The following KSR2 variants were observed in gnomAD, a reference collection of about 807,000 sequenced individuals.
KSR2 encodes kinase suppressor of ras 2.
Under a neutral mutation model 107.8 loss-of-function variants are expected in KSR2, and 25 were observed. The ratio of observed to expected loss-of-function variants is 0.23; its 90% confidence interval spans 0.17 to 0.32. KSR2 has a LOEUF of 0.32. Among genes scored for constraint, KSR2 ranks in the 10% least tolerant of loss-of-function variants. The pLI is 1.00. For synonymous variants in KSR2, 480 were observed against 507.0 expected (o/e 0.95, Z 0.71); for missense variants, 887 against 1,268.9 (o/e 0.70, Z 4.57).
intron 1 of KSR2, among the ~76,000 whole-genome samples, chr12:117,936,007 A>G (rs1402466285): frequency 6.6e-6 from 1 of 151,550 alleles, no homozygotes; most frequent in African/African-American, 2.4e-5. Flanking sequence ...GTCACCTTCT[A>G]TCATCCTTGA....
intron 16 of KSR2, among the ~76,000 whole-genome samples, chr12:117,479,208 A>G (rs928130440): frequency 4.6e-5 from 7 of 152,214 alleles, no homozygotes; most frequent in African/African-American, 1.7e-4. Context: ...AGAACCCAAA[A>G]CAGGGACTGT....
chr12:117,593,070 C>A (rs1054051839), intron 5 of KSR2, among the ~76,000 whole-genome samples: 1 of 152,126 alleles, frequency 6.6e-6, no homozygotes, highest in African/African-American at 2.4e-5. Context: ...GGAGAGCAGC[C>A]CTGAGCATGT....
intron 4 of KSR2, among the ~76,000 whole-genome samples, chr12:117,718,106 A>G (rs1253059664): frequency 6.6e-6 from 1 of 152,222 alleles, no homozygotes; most frequent in Non-Finnish European, 1.5e-5. Flanking sequence ...TGAGATTTAA[A>G]CACTTAGAAA....
At chr12:117,549,189 T>G (rs982440031) in intron 9 of KSR2, among the ~76,000 whole-genome samples, 2 of 152,194 alleles carry the variant, frequency 1.3e-5, no homozygotes, top group East Asian at 3.9e-4. Flanking sequence ...CATATTAGTG[T>G]AAGGAATAAT....
chr12:117,651,542 T>C (rs966620031), intron 5 of KSR2, among the ~76,000 whole-genome samples: 1 of 152,156 alleles, frequency 6.6e-6, no homozygotes, highest in Non-Finnish European at 1.5e-5. Flanking sequence ...GCCCACTAAG[T>C]AGGGACTCTG....
rs1450236735 is a variant in KSR2, at chr12:117,897,609, A to G, written c.181-37178T>C. ...CAATGGCCTTCTGGAGCGGGGAAGG[A>G]AAATTCTCCCCCTGTGGAAATCCCC... On this transcript the variant is annotated intron_variant, in intron 1 of 19. Coordinates refer to ENST00000339824, the MANE Select transcript of KSR2 (RefSeq NM_173598.6). This position sits in a 1 kb window ranked among gnomAD's most constrained non-coding sequence, Gnocchi z 4.5. Among the ~76,000 whole-genome samples the G allele has an allele frequency of 3.3e-5, 5 of 152,082 alleles. No individual in the cohort carries two copies. Among genetic ancestry groups the G allele is most frequent in the Non-Finnish European group, 5.9e-5 (4 of 68,018 alleles).
At chr12:117,651,197 G>A (rs910222763) in intron 5 of KSR2, among the ~76,000 whole-genome samples, 5 of 152,296 alleles carry the variant, frequency 3.3e-5, no homozygotes, top group African/African-American at 7.2e-5. Context: ...TTCCACCTTT[G>A]TCTGAGGGGA....
chr12:117,873,491 C>T lies in KSR2; in HGVS notation c.181-13060G>A, dbSNP rs141894009. ...TTTTTTTTTTTTTGAGATGGAGTCT[C>T]ACTCTGTTGCCCAGGATGGAGTACA... On this transcript the variant is annotated intron_variant, in intron 1 of 19. Coordinates refer to ENST00000339824, the MANE Select transcript of KSR2 (RefSeq NM_173598.6). Among the ~76,000 whole-genome samples the T allele has an allele frequency of 2.2e-4, 27 of 122,730 alleles. No homozygotes were observed. The East Asian group carries it at 7.7e-3, about 35-fold the overall frequency. The allele number at this position is 122,730 out of a possible 152,430, so 80.5% of individuals were successfully genotyped here. A position where few individuals can be genotyped will look rare whatever the true frequency, so the allele number is the denominator to read the frequency against.
intron 1 of KSR2, among the ~76,000 whole-genome samples, chr12:117,918,644 C>T (rs760731077): frequency 2.5e-4 from 38 of 151,672 alleles, no homozygotes; most frequent in Admixed American, 1.8e-3. Context: ...CAAAACTATC[C>T]GGGCGTGGTG....
chr12:117,825,779 A>T (rs1263355765), intron 3 of KSR2, among the ~76,000 whole-genome samples: 1 of 152,120 alleles, frequency 6.6e-6, no homozygotes, highest in African/African-American at 2.4e-5. Context: ...GAAGGGGCTC[A>T]GTGTCTATAT....
At chr12:117,632,629 C>A (rs1436912704) in intron 5 of KSR2, among the ~76,000 whole-genome samples, 4 of 152,070 alleles carry the variant, frequency 2.6e-5, no homozygotes. Flanking sequence ...CAGATTATTT[C>A]ATCACTCAGG....
chr12:117,909,912 AAAG>A (rs933994912), intron 1 of KSR2, among the ~76,000 whole-genome samples: 25 of 148,316 alleles, frequency 1.7e-4, no homozygotes, highest in Admixed American at 2.7e-4. Flanking sequence ...CATCTCAAAA[AAAG>A]AAAAAAAAAA....
intron 1 of KSR2, among the ~76,000 whole-genome samples, chr12:117,949,607 A>C (rs1896299797): frequency 6.6e-6 from 1 of 152,244 alleles, no homozygotes; most frequent in African/African-American, 2.4e-5. Flanking sequence ...AAATGTATAC[A>C]TTAAAGCTCA....
Position 117,686,215 on chromosome 12 carries a change from A to ATTTTTTTTTT in KSR2, c.987-18567_987-18558dup, listed in dbSNP as rs55772468. Among the ~76,000 whole-genome samples, 49 of 78,034 alleles carry ATTTTTTTTTT rather than the reference A, an allele frequency of 6.3e-4. 1 individual carries two copies. Among genetic ancestry groups the ATTTTTTTTTT allele is most frequent in the Middle Eastern group, 7.4e-3 (1 of 136 alleles). 51.2% of individuals were successfully genotyped at this position (78,034 alleles called of 152,430 possible). ...AGGCACACACCACCACACCCAGCTA[A>ATTTTTTTTTT]TTTTTTTTTTTTTTTTTTTTTTTTT... On this transcript the variant is annotated intron_variant, in intron 4 of 19. Coordinates refer to ENST00000339824, the MANE Select transcript of KSR2 (RefSeq NM_173598.6).
At chr12:117,531,948 A>G (rs1223947909) in intron 10 of KSR2, among the ~76,000 whole-genome samples, 1 of 152,086 alleles carries the variant, frequency 6.6e-6, no homozygotes, top group Admixed American at 6.6e-5. Flanking sequence ...GACTGCTCCA[A>G]CTCAAACAGA....
intron 3 of KSR2, among the ~76,000 whole-genome samples, chr12:117,831,764 C>G (rs1254580783): frequency 6.6e-6 from 1 of 152,190 alleles, no homozygotes; most frequent in Non-Finnish European, 1.5e-5. Flanking sequence ...GAAGTGATGG[C>G]TCAGGTGAAT....
chr12:117,703,813 C>G (rs1039952698), intron 4 of KSR2, among the ~76,000 whole-genome samples: 4 of 152,144 alleles, frequency 2.6e-5, no homozygotes, highest in Admixed American at 1.3e-4. Flanking sequence ...GCTGAGAACT[C>G]CAACTTCATG....
chr12:117,454,403 A>G lies in KSR2; in HGVS notation c.*12796T>C, dbSNP rs1017550648. 1 of 152,274 alleles carries G rather than the reference A, an allele frequency of 6.6e-6. No homozygotes were observed. Among genetic ancestry groups the G allele is most frequent in the Non-Finnish European group, 1.5e-5 (1 of 68,052 alleles). The allele number at this position is 152,274 out of a possible 1,614,324, so 9.4% of individuals were successfully genotyped here. A position where few individuals can be genotyped will look rare whatever the true frequency, so the allele number is the denominator to read the frequency against. On this transcript the variant is annotated 3_prime_UTR_variant, in exon 20 of 20. Transcript: ENST00000339824. ...AGATAAACAAGCCTCGCTAATTTGCAGTAGCCACATATACCCTGGGAGTCT... is the reference window on the plus strand; with the variant it reads ...AGATAAACAAGCCTCGCTAATTTGCGGTAGCCACATATACCCTGGGAGTCT...
At chr12:117,814,678 G>A (rs561289652) in intron 3 of KSR2, among the ~76,000 whole-genome samples, 10 of 152,248 alleles carry the variant, frequency 6.6e-5, no homozygotes, top group South Asian at 4.1e-4. Context: ...GAGAGCACTC[G>A]GGAGGCGTCT....
Sources: allele counts gnomAD v4.1 joint callset (sites outside exome capture counted in the v4.1 genomes callset), GRCh38; gene constraint gnomAD v4.1.1; non-coding constraint Gnocchi (gnomAD v3.1); transcripts MANE v1.5; gene names NCBI Gene and HGNC (gene_info 2026-07-23, HGNC 2026-07-21).